GNAI1: variants seen among roughly 807,000 people sequenced by gnomAD.
The protein encoded by GNAI1 is guanine nucleotide-binding protein G(i) subunit alpha-1.
Under a neutral mutation model 38.9 loss-of-function variants are expected in GNAI1, and 11 were observed. The ratio of observed to expected loss-of-function variants is 0.28; its 90% CI spans 0.18 to 0.47. The LOEUF is 0.47. Among genes scored for constraint, GNAI1 ranks in the 20% least tolerant of loss-of-function variants. The pLI is 0.99. For missense variants in GNAI1, 317 were observed against 436.9 expected, an observed-to-expected ratio of 0.73 and a Z score of 2.45; for synonymous variants, 166 against 145.1, an observed-to-expected ratio of 1.14 and a Z score of -1.04.
At chr7:80,182,223 CACA>C (rs949321317) in intron 1 of GNAI1, among the ~76,000 whole-genome samples, 20 of 152,234 alleles carry the variant, frequency 1.3e-4, no homozygotes, top group African/African-American at 4.3e-4. Flanking sequence ...TGTATATATA[CACA>C]ACATTTTCTT....
intron 1 of GNAI1, among the ~76,000 whole-genome samples, chr7:80,184,852 T>C (rs12706672): frequency 0.94 from 142,762 of 152,210 alleles, 67,043 homozygotes; most frequent in East Asian, 1. Context: ...ATTGCACACA[T>C]ATTCTCAGCC....
intron 1 of GNAI1, among the ~76,000 whole-genome samples, chr7:80,143,330 A>G (rs901744619): frequency 2.0e-5 from 3 of 152,062 alleles, no homozygotes; most frequent in African/African-American, 7.2e-5. Flanking sequence ...TTGGGACTTC[A>G]TTGTTGATCT....
At chr7:80,139,199 C>T (rs977899526) in intron 1 of GNAI1, among the ~76,000 whole-genome samples, 1 of 151,932 alleles carries the variant, frequency 6.6e-6, no homozygotes, top group Non-Finnish European at 1.5e-5. Context: ...TTTTTCTGTA[C>T]CTTCTGTTTT....
Position 80,222,178 on chromosome 7 carries a change from C to T in GNAI1, c.*4685C>T, listed in dbSNP as rs574407647. On this transcript the variant is annotated 3_prime_UTR_variant, in exon 8 of 8. Coordinates refer to ENST00000649796, the MANE Select transcript of GNAI1 (RefSeq NM_002069.6). ...GAGGCCAGAGACACCCAAATATGCA[C>T]AGACAGGAATCAGCTGCAATTGTCC... 7.2e-5 allele frequency among the ~76,000 whole-genome samples: 11 copies of T among 152,104 alleles called. No individual in the cohort carries two copies. The highest frequency in any genetic ancestry group is 1.6e-4 in the Non-Finnish European group (11 of 67,986).
intron 1 of GNAI1, chr7:80,135,757 A>G (rs1004849170): frequency 1.0e-6 from 1 of 976,284 alleles, no homozygotes; most frequent in Non-Finnish European, 1.2e-6. Flanking sequence ...CGTTTGGTGA[A>G]ATCAGTGCAC....
chr7:80,155,299 TG>T (rs1787799015), intron 1 of GNAI1, among the ~76,000 whole-genome samples: 3 of 152,306 alleles, frequency 2.0e-5, no homozygotes, highest in South Asian at 2.1e-4. Context: ...AACATTGAAT[TG>T]TTTTTTTCTT....
At chr7:80,165,079 G>T (rs1422412964) in intron 1 of GNAI1, among the ~76,000 whole-genome samples, 5 of 152,048 alleles carry the variant, frequency 3.3e-5, no homozygotes, top group Admixed American at 2.0e-4. Flanking sequence ...GAACTGAAGG[G>T]AATTGATTTA....
Position 80,220,824 on chromosome 7 carries a change from G to T in GNAI1, c.*3331G>T, listed in dbSNP as rs760693809. ...TCCATGTCTGTCAGAGGACCCCAAA[G>T]ATGCTACCTTATTTCCAGAAAATGT... is the stretch of plus-strand genomic sequence containing the variant. On this transcript the variant is annotated 3_prime_UTR_variant, in exon 8 of 8. Coordinates refer to ENST00000649796, the MANE Select transcript of GNAI1 (RefSeq NM_002069.6). 1.3e-5 allele frequency among the ~76,000 whole-genome samples: 2 copies of T among 152,160 alleles called. No individual in the cohort carries two copies.
At chr7:80,201,631 G>A (rs1788687841) in intron 4 of GNAI1, among the ~76,000 whole-genome samples, 1 of 152,098 alleles carries the variant, frequency 6.6e-6, no homozygotes, top group African/African-American at 2.4e-5. Flanking sequence ...GGCTGAGTCA[G>A]GAGAATCACC....
chr7:80,195,271 A>G (rs73149592), intron 3 of GNAI1, among the ~76,000 whole-genome samples: 5,279 of 151,990 alleles, frequency 0.035, 142 homozygotes, highest in Non-Finnish European at 0.054. Context: ...ACTTCATGCT[A>G]AATTCACTGC....
chr7:80,157,679 T>G (rs1420273190), intron 1 of GNAI1, among the ~76,000 whole-genome samples: 1 of 152,196 alleles, frequency 6.6e-6, no homozygotes, highest in Non-Finnish European at 1.5e-5. Context: ...ATTTGCATTT[T>G]CTTGATGACA....
At chr7:80,202,299 A>C (rs1163152219) in intron 4 of GNAI1, among the ~76,000 whole-genome samples, 1 of 152,166 alleles carries the variant, frequency 6.6e-6, no homozygotes, top group African/African-American at 2.4e-5. Context: ...CATGTTGGCC[A>C]GGATGGTCTT....
chr7:80,206,196 AT>A (rs1788773061), intron 5 of GNAI1, among the ~76,000 whole-genome samples: 1 of 151,966 alleles, frequency 6.6e-6, no homozygotes, highest in South Asian at 2.1e-4. Context: ...CTAAAGCTTT[AT>A]TTCAATTTTT....
intron 1 of GNAI1, among the ~76,000 whole-genome samples, chr7:80,140,554 C>G (rs1584001014): frequency 6.6e-6 from 1 of 152,112 alleles, no homozygotes; most frequent in East Asian, 1.9e-4. Flanking sequence ...GTCACATGTT[C>G]TGGCATGCAG....
intron 3 of GNAI1, among the ~76,000 whole-genome samples, chr7:80,197,180 ATTT>A (rs35283597): frequency 1.5e-3 from 212 of 137,374 alleles, no homozygotes; most frequent in Middle Eastern, 0.011. Context: ...GTTTCTGTGG[ATTT>A]TTTTTTTTTT....
chr7:80,185,991 C>G (rs1376224388), intron 1 of GNAI1, among the ~76,000 whole-genome samples: 2 of 145,222 alleles, frequency 1.4e-5, no homozygotes, highest in Non-Finnish European at 3.0e-5. Context: ...AAAGAAAGTA[C>G]AAATCCAGTT....
chr7:80,135,286 C>T lies in GNAI1; in HGVS notation c.118+8C>T, dbSNP rs1787389166. ...TCAAGCTGCTGCTGCTCGGTAAGGG[C>T]GGCCGGGTCGGGGCCCGGGGGTCGG... On this transcript the variant is annotated splice_region_variant and intron_variant, in intron 1 of 7. Transcript: ENST00000649796. 3 of 1,434,046 alleles carry T rather than the reference C, an allele frequency of 2.1e-6. No individual in the cohort carries two copies. The highest frequency in any genetic ancestry group is 2.9e-5 in the East Asian group (1 of 34,538). The allele number at this position is 1,434,046 out of a possible 1,614,324, so 88.8% of individuals were successfully genotyped here.
At chr7:80,216,499 CATT>C (rs1233232204) in intron 7 of GNAI1, among the ~76,000 whole-genome samples, 2 of 152,174 alleles carry the variant, frequency 1.3e-5, no homozygotes, top group Non-Finnish European at 2.9e-5. Context: ...ATTTTTCAAA[CATT>C]GTTGGATCAT....
intron 1 of GNAI1, among the ~76,000 whole-genome samples, chr7:80,167,471 C>A (rs1368146898): frequency 6.6e-6 from 1 of 152,170 alleles, no homozygotes; most frequent in Non-Finnish European, 1.5e-5. Flanking sequence ...CCGATGCTCA[C>A]TTTTGTAATA....
Sources: allele counts gnomAD v4.1 joint callset (sites outside exome capture counted in the v4.1 genomes callset), GRCh38; gene constraint gnomAD v4.1.1; transcripts MANE v1.5; gene names NCBI Gene and HGNC (gene_info 2026-07-23, HGNC 2026-07-21).